Variants in SYNE2 observed in about 807,000 individuals in gnomAD.
SYNE2 encodes the protein nesprin-2.
SYNE2 carries 431 observed loss-of-function variants against 856.3 expected under a neutral mutation model. The ratio of observed to expected loss-of-function variants is 0.50; its 90% CI spans 0.47 to 0.55. The LOEUF is 0.55. Among genes scored for constraint, SYNE2 ranks in the 20% least tolerant of loss-of-function variants. The pLI is 0.00. For synonymous variants in SYNE2, 2,923 were observed against 2,872.3 expected (o/e 1.02, Z -0.56); for missense variants, 8,129 against 8,023.2 (o/e 1.01, Z -0.50).
chr14:64,051,267 A>G (rs1293769793), intron 47 of SYNE2, among the ~76,000 whole-genome samples: 2 of 146,428 alleles, frequency 1.4e-5, no homozygotes, highest in Non-Finnish European at 3.0e-5. Flanking sequence ...CCTTCACTTC[A>G]TTTTTTTCCT....
intron 11 of SYNE2, among the ~76,000 whole-genome samples, chr14:63,970,627 T>C (rs2096461282): frequency 6.6e-6 from 1 of 151,306 alleles, no homozygotes; most frequent in African/African-American, 2.4e-5. Flanking sequence ...TTTCTTCCTT[T>C]CTGTCTTTTT....
chr14:63,989,298 G>A (rs1016485173), intron 19 of SYNE2, among the ~76,000 whole-genome samples: 8 of 152,016 alleles, frequency 5.3e-5, no homozygotes, highest in Non-Finnish European at 1.2e-4. Context: ...CTTAGGCTTC[G>A]AAAGACCCTC....
Position 64,087,850 on chromosome 14 carries a change from G to T in SYNE2, c.11664G>T (p.Met3888Ile). The T allele has an allele frequency of 6.2e-7, 1 of 1,614,010 alleles. No individual in the cohort carries two copies. Among genetic ancestry groups the T allele is most frequent in the South Asian group, 1.1e-5 (1 of 91,064 alleles). Residue 3888 changes from methionine (M) to isoleucine (I), a missense_variant, in exon 58 of 116, where the codon ATG becomes ATT. By Grantham distance (10) the Met-to-Ile change is conservative (BLOSUM62 1). Around this residue, in one of 3 missense-constraint regions of SYNE2, gnomAD observed 5,410 missense variants for 5,284.8 expected, o/e 1.02. Coordinates refer to ENST00000555002, the MANE Select transcript of SYNE2 (RefSeq NM_182914.3). The part of the protein sequence containing the change: ...IMESLPQIQR[M>I]ADDVVAIESE... The stretch of plus-strand genomic sequence containing the variant: ...AAAGCCTTCCACAGATTCAGCGAAT[G>T]GCTGATGTAAGTTTGCACCATTCAT...
intron 45 of SYNE2, among the ~76,000 whole-genome samples, chr14:64,039,395 C>T (rs574126322): frequency 3.3e-5 from 5 of 152,274 alleles, no homozygotes; most frequent in Admixed American, 2.6e-4. Flanking sequence ...TCATTTAGAG[C>T]TCAGTGTTTT....
chr14:64,017,254 G>T (rs191305119), intron 33 of SYNE2, among the ~76,000 whole-genome samples: 65 of 149,398 alleles, frequency 4.4e-4, no homozygotes, highest in African/African-American at 1.4e-3. Flanking sequence ...GCGTGAACTC[G>T]GGAGGCGGAG....
At position 64,065,625 on chromosome 14, in the gene SYNE2, A is replaced by G. The variant is rs1233952993; in HGVS notation, c.10406A>G (p.Gln3469Arg). Residue 3469 changes from glutamine (Q) to arginine (R), a missense_variant, in exon 51 of 116, where the codon CAG becomes CGG. Physicochemically the swap from Gln to Arg is conservative, Grantham distance 43 (BLOSUM62 1). This residue lies in a region of SYNE2 where 5,410 missense variants were observed against 5,284.8 expected (regional missense o/e 1.02). Coordinates refer to ENST00000555002, the MANE Select transcript of SYNE2 (RefSeq NM_182914.3). Reference sequence around the variant, plus strand: ...GAGATGTGGTGCGAAGAACTGAAGCAGGAATGGAAATTTGTCAGTGAAGAA... The same window carrying G: ...GAGATGTGGTGCGAAGAACTGAAGCGGGAATGGAAATTTGTCAGTGAAGAA... ...EWEMWCEELK[Q>R]EWKFVSEEIE... 1.9e-6 allele frequency: 3 copies of G among 1,614,092 alleles called. No homozygotes were observed. Among genetic ancestry groups the G allele is most frequent in the Non-Finnish European group, 2.5e-6 (3 of 1,180,050 alleles).
chr14:64,009,941 C>G (rs948675347), intron 31 of SYNE2, 25 bp from the exon 32 acceptor site: 2 of 1,604,918 alleles, frequency 1.2e-6, no homozygotes, highest in Non-Finnish European at 8.5e-7. Flanking sequence ...GGACATTTAG[C>G]TATTGTATAT....
chr14:64,046,572 C>G (rs2097187840), intron 45 of SYNE2, among the ~76,000 whole-genome samples: 1 of 152,136 alleles, frequency 6.6e-6, no homozygotes, highest in African/African-American at 2.4e-5. Flanking sequence ...ATGGTGAACT[C>G]CTTGAACTTC....
At chr14:64,011,144 GA>G (rs11288088) in intron 32 of SYNE2, among the ~76,000 whole-genome samples, 124,067 of 152,114 alleles carry the variant, frequency 0.82, 52,318 homozygotes, top group Non-Finnish European at 0.93. Flanking sequence ...ATGACACCCA[GA>G]GTGTCAGGAA....
chr14:64,132,059 A>G (rs549976774), intron 76 of SYNE2, among the ~76,000 whole-genome samples: 1 of 152,266 alleles, frequency 6.6e-6, no homozygotes, highest in South Asian at 2.1e-4. Context: ...TCAGTCTCTC[A>G]AATGACTGGG....
rs1415737232 is a variant in SYNE2, at chr14:64,092,584, G to A, written c.11977-765G>A. Among the ~76,000 whole-genome samples the A allele has an allele frequency of 5.9e-5, 9 of 152,196 alleles. No homozygotes were observed. The South Asian group carries it at 1.4e-3, about 25-fold the overall frequency. ...TAAAGAAAATACAAGGAAGAATTTCGTGTTGGCTAGAAACTTTGTAGTTTT... is the reference window on the plus strand; with the variant it reads ...TAAAGAAAATACAAGGAAGAATTTCATGTTGGCTAGAAACTTTGTAGTTTT... On this transcript the variant is annotated intron_variant, in intron 60 of 115. Transcript: ENST00000555002.
intron 6 of SYNE2, among the ~76,000 whole-genome samples, chr14:63,948,690 G>GTATATATA (rs1202003794): frequency 3.8e-5 from 4 of 106,598 alleles, no homozygotes; most frequent in African/African-American, 1.3e-4. Context: ...ATATATGTGT[G>GTATATATA]TATATATATA....
At chr14:64,001,019 C>G (rs1319080770) in intron 28 of SYNE2, among the ~76,000 whole-genome samples, 1 of 152,128 alleles carries the variant, frequency 6.6e-6, no homozygotes, top group Non-Finnish European at 1.5e-5. Flanking sequence ...TGAATTCGAC[C>G]AAGTCACATA....
intron 114 of SYNE2, 139 bp from the exon 115 acceptor site, chr14:64,224,852 TCTCAATTG>T: frequency 1.3e-6 from 1 of 786,872 alleles, no homozygotes; most frequent in East Asian, 2.7e-5. Flanking sequence ...TGACGTTTAA[TCTCAATTG>T]TATTACTCTA....
intron 55 of SYNE2, 130 bp from the exon 56 acceptor site, chr14:64,080,326 C>A: frequency 1.0e-6 from 1 of 956,568 alleles, no homozygotes; most frequent in Non-Finnish European, 1.7e-6. Context: ...AAATTAACAA[C>A]TGTTCATGTG....
intron 1 of SYNE2, among the ~76,000 whole-genome samples, chr14:63,834,547 C>T (rs538491800): frequency 2.0e-5 from 3 of 152,032 alleles, no homozygotes; most frequent in South Asian, 2.1e-4. Flanking sequence ...AGGCTGGTCT[C>T]GAACTCCTGG....
At position 64,113,500 on chromosome 14, in the gene SYNE2, G is replaced by A. The variant is rs765323829; in HGVS notation, c.12769G>A (p.Val4257Met). The A allele has an allele frequency of 1.1e-5, 17 of 1,614,002 alleles. No individual in the cohort carries two copies. Among genetic ancestry groups the A allele is most frequent in the South Asian group, 3.3e-5 (3 of 91,078 alleles). Residue 4257 changes from valine (V) to methionine (M), a missense_variant, in exon 66 of 116, where the codon GTG (valine) becomes ATG (methionine). Transcript: ENST00000555002. ...ELELWLQQAN[V>M]AVEPETLNAD... ...GGAGCTGTGGCTGCAACAAGCCAACGTGGCAGTTGAGCCGGAAACATTAAA... is the reference window on the plus strand; with the variant it reads ...GGAGCTGTGGCTGCAACAAGCCAACATGGCAGTTGAGCCGGAAACATTAAA...
At chr14:63,797,398 T>A (rs1000608226) in intron 1 of SYNE2, among the ~76,000 whole-genome samples, 3 of 151,748 alleles carry the variant, frequency 2.0e-5, no homozygotes, top group African/African-American at 4.8e-5. Context: ...CTCAAAAAAA[T>A]AATAATAATA....
Position 64,162,077 on chromosome 14 carries a change from C to G in SYNE2, c.16100C>G (p.Thr5367Ser). The G allele has an allele frequency of 1.9e-6, 3 of 1,614,180 alleles. No homozygotes were observed. The highest frequency in any genetic ancestry group is 2.5e-6 in the Non-Finnish European group (3 of 1,180,032). ...TATTTGCGTTGCACTGACAGGTGGA[C>G]TCAGGTGAACCAAGCCATTGCAGAC... ...EKCQNTHKRW[T>S]QVNQAIADQL... Residue 5367 changes from threonine (T) to serine (S), a missense_variant, in exon 88 of 116, where the codon ACT becomes AGT. Around this residue, in one of 3 missense-constraint regions of SYNE2, gnomAD observed 5,410 missense variants for 5,284.8 expected, o/e 1.02. Transcript: ENST00000555002.
Sources: allele counts gnomAD v4.1 joint callset (sites outside exome capture counted in the v4.1 genomes callset), GRCh38; gene constraint gnomAD v4.1.1; regional missense constraint gnomAD v4.1.1; transcripts MANE v1.5; gene names NCBI Gene and HGNC (gene_info 2026-07-23, HGNC 2026-07-21).